TNS3: variants seen among roughly 807,000 people sequenced by gnomAD.
TNS3 encodes tensin-3.
Under a neutral mutation model 140.9 loss-of-function variants are expected in TNS3, and 45 were observed. The observed-to-expected ratio is 0.32, with a 90% CI of 0.25 to 0.41. The LOEUF (loss-of-function observed/expected upper bound fraction) is 0.41, where lower values mean the gene tolerates loss of function less well. Among genes scored for constraint, TNS3 ranks in the 10% least tolerant of loss-of-function variants. The pLI, the probability that TNS3 is intolerant of heterozygous loss-of-function variation, is 1.00. For missense variants in TNS3, 1,716 were observed against 1,906.7 expected (o/e 0.90, Z 1.86); for synonymous variants, 815 against 788.4 (o/e 1.03, Z -0.56).
intron 8 of TNS3, among the ~76,000 whole-genome samples, chr7:47,432,291 G>C (rs1160195049): frequency 6.6e-6 from 1 of 152,100 alleles, no homozygotes; most frequent in African/African-American, 2.4e-5. Flanking sequence ...GAGTAGAACT[G>C]GTGGCTTTCT....
At chr7:47,347,374 T>C (rs1035738762) in intron 17 of TNS3, among the ~76,000 whole-genome samples, 1 of 151,990 alleles carries the variant, frequency 6.6e-6, no homozygotes, top group Non-Finnish European at 1.5e-5. Context: ...ACCTCCTACA[T>C]CCAGAGACTT....
intron 1 of TNS3, among the ~76,000 whole-genome samples, chr7:47,577,327 G>A (rs1186664317): frequency 6.6e-6 from 1 of 152,242 alleles, no homozygotes; most frequent in African/African-American, 2.4e-5. Context: ...AAGAGAAGAG[G>A]AAGAGGAAGG....
At chr7:47,306,667 C>A (rs947549684) in intron 20 of TNS3, among the ~76,000 whole-genome samples, 1 of 152,158 alleles carries the variant, frequency 6.6e-6, no homozygotes, top group African/African-American at 2.4e-5. Context: ...CTCCACCTCC[C>A]GCGTTCACGC....
chr7:47,481,411 T>C (rs1449782953), intron 3 of TNS3: 2 of 305,608 alleles, frequency 6.5e-6, no homozygotes, highest in Non-Finnish European at 1.2e-5. Context: ...AGATACAAAA[T>C]TTAGCCCCCA....
At chr7:47,373,857 G>A (rs964977916) in intron 16 of TNS3, among the ~76,000 whole-genome samples, 1 of 152,224 alleles carries the variant, frequency 6.6e-6, no homozygotes, top group Non-Finnish European at 1.5e-5. Context: ...TGCCTTAGCA[G>A]GCAAAACAAG....
At position 47,369,167 on chromosome 7, in the gene TNS3, A is replaced by G. The variant is rs759011818; in HGVS notation, c.1479T>C (p.Leu493=). 2.5e-6 allele frequency: 4 copies of G among 1,614,006 alleles called. No homozygotes were observed. The highest frequency in any genetic ancestry group is 2.7e-5 in the African/African-American group (2 of 74,944). ...PHHDLHSVDS[L]GTLSSSEGPQ... Reference sequence around the variant, plus strand: ...GCCCTTCCGAGGAGGACAGGGTCCCAAGGCTGTCCACACTGTGCAGGTCGT... The same window carrying G: ...GCCCTTCCGAGGAGGACAGGGTCCCGAGGCTGTCCACACTGTGCAGGTCGT... The change falls in exon 17 of 31, where the codon CTT becomes CTC. Residue 493 remains leucine (L), a synonymous_variant. Coordinates refer to ENST00000311160, the MANE Select transcript of TNS3 (RefSeq NM_022748.12).
chr7:47,532,278 C>T (rs537405457), intron 1 of TNS3, among the ~76,000 whole-genome samples: 2 of 152,116 alleles, frequency 1.3e-5, no homozygotes, highest in Non-Finnish European at 2.9e-5. Flanking sequence ...AGGCTGGGGA[C>T]GGGCTGCCAG....
At chr7:47,501,155 GGAAA>G (rs1346865552) in intron 3 of TNS3, among the ~76,000 whole-genome samples, 2 of 134,886 alleles carry the variant, frequency 1.5e-5, no homozygotes, top group South Asian at 2.8e-4. Flanking sequence ...AAGGGAGGAA[GGAAA>G]GAAAGGGAGG....
chr7:47,471,908 C>T (rs528561814), intron 4 of TNS3, among the ~76,000 whole-genome samples: 2 of 152,338 alleles, frequency 1.3e-5, no homozygotes, highest in South Asian at 4.1e-4. Flanking sequence ...CCTAAGGCTG[C>T]TGTAAAGCAC....
chr7:47,413,869 A>G (rs1021826329), intron 12 of TNS3, 68 bp downstream of exon 12: 1 of 1,582,836 alleles, frequency 6.3e-7, no homozygotes, highest in Admixed American at 1.7e-5. Context: ...CAGGCAGCTG[A>G]GGGTCAGCTG....
At chr7:47,465,145 T>A (rs1452456361) in intron 4 of TNS3, among the ~76,000 whole-genome samples, 1 of 152,134 alleles carries the variant, frequency 6.6e-6, no homozygotes, top group African/African-American at 2.4e-5. Context: ...ATGAAGCAAG[T>A]GTTACTATTT....
chr7:47,362,818 A>AG (rs1790416833), intron 17 of TNS3, among the ~76,000 whole-genome samples: 2 of 132,622 alleles, frequency 1.5e-5, no homozygotes, highest in Non-Finnish European at 1.7e-5. Context: ...CACCATCATC[A>AG]CAGTCATAAC....
At chr7:47,437,426 A>G in intron 6 of TNS3, 113 bp from the exon 7 acceptor site, 1 of 379,212 alleles carries the variant, frequency 2.6e-6, no homozygotes. Flanking sequence ...AAAAATATCT[A>G]AAATCTTCAC....
At chr7:47,416,009 C>A (rs1339185949) in intron 10 of TNS3, among the ~76,000 whole-genome samples, 1 of 152,260 alleles carries the variant, frequency 6.6e-6, no homozygotes, top group Non-Finnish European at 1.5e-5. Context: ...GCCTGTCCTG[C>A]CTGTTGGTGC....
chr7:47,281,013 G>A (rs1362533460), intron 28 of TNS3, among the ~76,000 whole-genome samples: 1 of 152,128 alleles, frequency 6.6e-6, no homozygotes, highest in Admixed American at 6.5e-5. Context: ...CTGCAGGATC[G>A]TGGGGAAACC....
intron 17 of TNS3, among the ~76,000 whole-genome samples, chr7:47,364,820 C>T (rs1428856046): frequency 1.3e-5 from 2 of 152,188 alleles, no homozygotes; most frequent in African/African-American, 4.8e-5. Context: ...CATCACTGCT[C>T]ATGGACAGTT....
intron 17 of TNS3, among the ~76,000 whole-genome samples, chr7:47,358,089 C>T (rs894044604): frequency 3.3e-5 from 5 of 152,206 alleles, no homozygotes; most frequent in Admixed American, 3.3e-4. Flanking sequence ...CATTGGTTTT[C>T]TTTTTGGATC....
At chr7:47,511,062 C>T (rs1441306638) in intron 2 of TNS3, among the ~76,000 whole-genome samples, 2 of 152,070 alleles carry the variant, frequency 1.3e-5, no homozygotes, top group African/African-American at 2.4e-5. Flanking sequence ...TGTTCCACAC[C>T]GGGTAAAAGA....
intron 17 of TNS3, among the ~76,000 whole-genome samples, chr7:47,353,391 G>A (rs1375747272): frequency 6.6e-6 from 1 of 152,176 alleles, no homozygotes; most frequent in Admixed American, 6.5e-5. Context: ...GGAGGCCCTA[G>A]CACTTGGTAA....
Sources: gnomAD v4.1 joint callset for allele counts (sites outside exome capture counted in the v4.1 genomes callset) on GRCh38, gnomAD v4.1.1 for gene constraint, MANE v1.5 for transcripts, NCBI Gene and HGNC (gene_info 2026-07-23, HGNC 2026-07-21) for gene names.